MGST2: variants seen among roughly 807,000 people sequenced by gnomAD.
MGST2 encodes microsomal glutathione S-transferase 2, also known as glutathione peroxidase MGST2.
Under a neutral mutation model 16.6 loss-of-function variants are expected in MGST2, and 9 were observed. The observed-to-expected ratio is 0.54, with a 90% confidence interval of 0.33 to 0.95. The LOEUF (loss-of-function observed/expected upper bound fraction) is 0.95. MGST2 is among the 40% of genes least tolerant of loss of function. The pLI, the probability that MGST2 is intolerant of heterozygous loss-of-function variation, is 0.03. For synonymous variants in MGST2, 79 were observed against 68.0 expected, an observed-to-expected ratio of 1.16 and a Z score of -0.79; for missense variants, 159 against 175.1, an observed-to-expected ratio of 0.91 and a Z score of 0.52.
chr4:139,678,281 T>C lies in MGST2; in HGVS notation c.59-262T>C, dbSNP rs549218498. 2.4e-4 allele frequency among the ~76,000 whole-genome samples: 37 copies of C among 152,372 alleles called. No homozygotes were observed. The South Asian group carries it at 6.8e-3, about 28-fold the overall frequency. On this transcript the variant is annotated intron_variant, in intron 1 of 4. Coordinates refer to ENST00000265498, the MANE Select transcript of MGST2 (RefSeq NM_002413.5). The stretch of plus-strand genomic sequence containing the variant: ...ATGAATGGAATGACTGGGTTATACA[T>C]TGGAGGTATGTCTAACTAAAAGACT...
intron 5 of MGST2, among the ~76,000 whole-genome samples, chr4:139,710,048 A>G (rs1177984250): frequency 1.3e-5 from 2 of 152,198 alleles, no homozygotes; most frequent in East Asian, 1.9e-4. Context: ...TTACCCAAAG[A>G]GGTAGCTCTG....
At position 139,735,006 on chromosome 4, in the gene MGST2, G is replaced by A. The variant is rs1246471636; in HGVS notation, c.*49-5206G>A. Among the ~76,000 whole-genome samples the A allele has an allele frequency of 6.6e-6, 1 of 152,166 alleles. No individual in the cohort carries two copies. The highest frequency in any genetic ancestry group is 1.5e-5 in the Non-Finnish European group (1 of 68,016). Reference sequence around the variant, plus strand: ...GTGGTGTCAGCCCGGCCTCGTGCCCGGCCGCCGCTGCGCCCGCGCCCCCTC... The same window carrying A: ...GTGGTGTCAGCCCGGCCTCGTGCCCAGCCGCCGCTGCGCCCGCGCCCCCTC... On this transcript the variant is annotated intron_variant, in intron 5 of 5. Coordinates refer to the MGST2 transcript ENST00000616265. This position sits in a 1 kb window ranked among gnomAD's most constrained non-coding sequence, Gnocchi z 5.8.
chr4:139,697,775 A>G (rs927656054), intron 3 of MGST2, among the ~76,000 whole-genome samples: 2 of 152,228 alleles, frequency 1.3e-5, no homozygotes, highest in Non-Finnish European at 2.9e-5. Flanking sequence ...TACAAGCACC[A>G]TTTAGTTGCC....
downstream of MGST2, among the ~76,000 whole-genome samples, chr4:139,744,578 T>C (rs931550746): frequency 1.3e-5 from 2 of 152,146 alleles, no homozygotes; most frequent in Non-Finnish European, 1.5e-5. Flanking sequence ...TAAAGTTTGC[T>C]TTCAATTTGA....
chr4:139,720,438 C>T, intron 5 of MGST2: 2 of 866,886 alleles, frequency 2.3e-6, no homozygotes, highest in East Asian at 2.8e-5. Context: ...AAAGGATCTA[C>T]TCTGATAATA....
At chr4:139,728,680 C>T (rs1325208265) in intron 5 of MGST2, among the ~76,000 whole-genome samples, 1 of 152,174 alleles carries the variant, frequency 6.6e-6, no homozygotes, top group Non-Finnish European at 1.5e-5. Context: ...TTGTCTTTCC[C>T]AAGAAGCCCC....
intron 5 of MGST2, among the ~76,000 whole-genome samples, chr4:139,731,799 G>A (rs1728737985): frequency 6.6e-6 from 1 of 152,188 alleles, no homozygotes; most frequent in South Asian, 2.1e-4. Context: ...GTGACTACAT[G>A]GAGAATGTGC....
chr4:139,690,011 A>G (rs1178046193), intron 2 of MGST2, among the ~76,000 whole-genome samples: 1 of 152,138 alleles, frequency 6.6e-6, no homozygotes, highest in East Asian at 1.9e-4. Flanking sequence ...ATTTTTTTTG[A>G]GACAGAGCCT....
chr4:139,667,781 C>T (rs975709469), intron 1 of MGST2, among the ~76,000 whole-genome samples: 26 of 152,008 alleles, frequency 1.7e-4, no homozygotes, highest in Non-Finnish European at 3.1e-4. Context: ...TCGCTTGAAC[C>T]TGGGAGGGGG....
chr4:139,736,435 G>T (rs545826338), intron 5 of MGST2, among the ~76,000 whole-genome samples: 19 of 152,254 alleles, frequency 1.2e-4, no homozygotes, highest in African/African-American at 2.6e-4. Flanking sequence ...CTAGACAGAG[G>T]CGCCTGGCTG....
At position 139,731,634 on chromosome 4, in the gene MGST2, T is replaced by A. The variant is rs1728730345; in HGVS notation, c.*49-8578T>A. ...TCTTTCTCAAAAAAAAAGAATTGAG[T>A]CTTCTATGTCTGGGATAATTTAAAC... On this transcript the variant is annotated intron_variant, in intron 5 of 5. Coordinates refer to the MGST2 transcript ENST00000616265. Among the ~76,000 whole-genome samples, 3 of 151,608 alleles carry A rather than the reference T, an allele frequency of 2.0e-5. No homozygotes were observed. The East Asian group carries it at 5.8e-4, about 29-fold the overall frequency.
At chr4:139,737,363 G>T (rs374737400) in intron 5 of MGST2, among the ~76,000 whole-genome samples, 2 of 71,584 alleles carry the variant, frequency 2.8e-5, no homozygotes, top group African/African-American at 8.1e-5. Context: ...AACTTGTCTG[G>T]TGGTGGCGTC....
the MGST2 span, among the ~76,000 whole-genome samples, chr4:139,754,547 T>C: frequency 6.6e-6 from 1 of 152,258 alleles, no homozygotes; most frequent in African/African-American, 2.4e-5. Flanking sequence ...TATGCTGAAA[T>C]GAACATTCTT....
At chr4:139,731,616 C>G (rs1560773846) in intron 5 of MGST2, among the ~76,000 whole-genome samples, 1 of 150,402 alleles carries the variant, frequency 6.6e-6, no homozygotes, top group African/African-American at 2.4e-5. Flanking sequence ...GACTCTTTCT[C>G]AAAAAAAAAG....
chr4:139,714,649 C>A (rs76817291), intron 5 of MGST2, among the ~76,000 whole-genome samples: 1 of 152,146 alleles, frequency 6.6e-6, no homozygotes, highest in Non-Finnish European at 1.5e-5. Context: ...ATCTAACCTC[C>A]GACTAGGAGT....
intron 2 of MGST2, among the ~76,000 whole-genome samples, chr4:139,682,018 C>T (rs1021157640): frequency 6.6e-6 from 1 of 151,696 alleles, no homozygotes; most frequent in African/African-American, 2.4e-5. Flanking sequence ...TAGCAAGAGC[C>T]CCCTCTCTCT....
At chr4:139,672,084 G>T (rs1199421941) in intron 1 of MGST2, among the ~76,000 whole-genome samples, 3 of 152,134 alleles carry the variant, frequency 2.0e-5, no homozygotes, top group African/African-American at 7.2e-5. Flanking sequence ...GAGTAGGTGG[G>T]ATATCTCAGT....
chr4:139,683,265 A>G, intron 2 of MGST2, among the ~76,000 whole-genome samples: 1 of 152,164 alleles, frequency 6.6e-6, no homozygotes, highest in African/African-American at 2.4e-5. Flanking sequence ...TTCTGGATAT[A>G]TTTTGAGGGT....
intron 3 of MGST2, chr4:139,698,396 T>C (rs1727049095): frequency 2.5e-6 from 4 of 1,594,820 alleles, no homozygotes; most frequent in Admixed American, 3.3e-5. Flanking sequence ...TCTGATAACG[T>C]CTAATTTCAC....
Sources: gnomAD v4.1 joint callset for allele counts (sites outside exome capture counted in the v4.1 genomes callset) on GRCh38, gnomAD v4.1.1 for gene constraint, Gnocchi (gnomAD v3.1) non-coding constraint, MANE v1.5 for transcripts, NCBI Gene and HGNC (gene_info 2026-07-23, HGNC 2026-07-21) for gene names.